The following NBAS variants were observed in gnomAD, a reference collection of about 807,000 sequenced individuals.
NBAS encodes the protein NAG/BC035112 fusion.
A neutral mutation model predicts 302.5 loss-of-function variants in NBAS; 219 were observed. That is an observed-to-expected ratio of 0.72 (90% CI 0.65 to 0.81). The LOEUF is 0.81. Ranked by LOEUF, NBAS falls within the 30% of genes least tolerant of loss-of-function variation. NBAS has a pLI of 0.00. For missense variants in NBAS, 2,932 were observed against 2,841.6 expected (o/e 1.03, Z -0.72); for synonymous variants, 1,118 against 1,021.6 (o/e 1.09, Z -1.80).
chr2:15,520,331 G>A (rs781070023), intron 9 of NBAS, among the ~76,000 whole-genome samples: 20 of 152,204 alleles, frequency 1.3e-4, no homozygotes, highest in Admixed American at 5.9e-4. Flanking sequence ...GAGCCCAGGA[G>A]GTAGAAGCTA....
At chr2:15,073,606 T>G in the NBAS span, among the ~76,000 whole-genome samples, 1 of 152,150 alleles carries the variant, frequency 6.6e-6, no homozygotes, top group Non-Finnish European at 1.5e-5. Context: ...ATCACTTCCA[T>G]GCATTTTTTT....
the NBAS span, among the ~76,000 whole-genome samples, chr2:14,848,377 A>AG: frequency 7.2e-6 from 1 of 139,530 alleles, no homozygotes; most frequent in Admixed American, 6.8e-5. Flanking sequence ...GACCGGCTTA[A>AG]AAACGGCGCA....
chr2:15,297,734 C>A (rs950444484), intron 40 of NBAS, among the ~76,000 whole-genome samples: 1 of 152,204 alleles, frequency 6.6e-6, no homozygotes, highest in Non-Finnish European at 1.5e-5. Flanking sequence ...AACTAATACA[C>A]TTGCCATTAG....
chr2:15,359,994 C>A (rs1294734542), intron 32 of NBAS, among the ~76,000 whole-genome samples: 3 of 152,082 alleles, frequency 2.0e-5, no homozygotes, highest in Admixed American at 6.5e-5. Flanking sequence ...AGGCTACAAA[C>A]CTGTACAGTA....
chr2:15,117,772 G>A, the NBAS span, among the ~76,000 whole-genome samples: 45,910 of 151,974 alleles, frequency 0.3, 7,142 homozygotes, highest in South Asian at 0.36. Context: ...GGGAAACGCT[G>A]CACTGGGGAC....
chr2:15,356,485 A>G, intron 32 of NBAS, 69 bp from the exon 33 acceptor site: 1 of 1,036,296 alleles, frequency 9.6e-7, no homozygotes, highest in Non-Finnish European at 1.5e-6. Context: ...GCTTGTTAAC[A>G]CTGTCTTTCA....
chr2:15,366,257 C>A (rs922305673), intron 32 of NBAS, among the ~76,000 whole-genome samples: 4 of 152,192 alleles, frequency 2.6e-5, no homozygotes, highest in African/African-American at 9.6e-5. Flanking sequence ...CTCCTGACTA[C>A]ACAACCATTT....
chr2:14,793,616 T>G, the NBAS span, among the ~76,000 whole-genome samples: 3 of 151,952 alleles, frequency 2.0e-5, no homozygotes, highest in Non-Finnish European at 4.4e-5. Flanking sequence ...TCTCAGAGGA[T>G]CAGAGAAGGA....
intron 1 of NBAS, among the ~76,000 whole-genome samples, chr2:15,560,204 T>C (rs905201603): frequency 3.9e-5 from 6 of 152,094 alleles, no homozygotes; most frequent in South Asian, 4.1e-4. Flanking sequence ...TGGCACGTGT[T>C]AAGCACTCAA....
At chr2:15,293,371 C>G (rs912042116) in intron 40 of NBAS, among the ~76,000 whole-genome samples, 11 of 152,114 alleles carry the variant, frequency 7.2e-5, no homozygotes, top group African/African-American at 2.7e-4. Context: ...ATTTGGGGCT[C>G]AATGGGATAT....
intron 3 of NBAS, among the ~76,000 whole-genome samples, chr2:15,556,562 A>C (rs576169911): frequency 9.8e-5 from 15 of 152,324 alleles, no homozygotes; most frequent in African/African-American, 3.6e-4. Context: ...AATTGTCATG[A>C]GACATTCTTA....
the NBAS span, among the ~76,000 whole-genome samples, chr2:15,137,472 TC>T: frequency 6.6e-6 from 1 of 152,088 alleles, no homozygotes; most frequent in Non-Finnish European, 1.5e-5. Context: ...CCACAAAACA[TC>T]ATGCCAGGTG....
intron 51 of NBAS, among the ~76,000 whole-genome samples, chr2:15,176,091 T>C (rs1664524247): frequency 1.3e-5 from 2 of 152,070 alleles, no homozygotes; most frequent in Admixed American, 1.3e-4. Flanking sequence ...AATAGCAAAA[T>C]AAAAGCAACA....
the NBAS span, among the ~76,000 whole-genome samples, chr2:15,051,540 A>C: frequency 6.6e-6 from 1 of 152,182 alleles, no homozygotes; most frequent in Non-Finnish European, 1.5e-5. Flanking sequence ...TTTTATATGG[A>C]CATAATAATA....
At chr2:15,144,999 T>C in the NBAS span, among the ~76,000 whole-genome samples, 2 of 151,320 alleles carry the variant, frequency 1.3e-5, no homozygotes, top group African/African-American at 4.9e-5. Flanking sequence ...GTTAAGCTAT[T>C]TGGTGTAGCT....
At chr2:15,145,768 T>C in the NBAS span, among the ~76,000 whole-genome samples, 1 of 152,074 alleles carries the variant, frequency 6.6e-6, no homozygotes, top group East Asian at 1.9e-4. Flanking sequence ...ACCTGGCAAC[T>C]TTTAGAAATG....
At chr2:15,421,965 CACATCA>C (rs1422962255) in intron 23 of NBAS, among the ~76,000 whole-genome samples, 1 of 152,190 alleles carries the variant, frequency 6.6e-6, no homozygotes, top group Non-Finnish European at 1.5e-5. Context: ...CGTGCACTGA[CACATCA>C]TCATCCCCCA....
At chr2:14,937,442 C>T in the NBAS span, among the ~76,000 whole-genome samples, 1 of 152,170 alleles carries the variant, frequency 6.6e-6, no homozygotes, top group Non-Finnish European at 1.5e-5. Context: ...GAGCTGCTCC[C>T]CTAAGGCTCA....
chr2:15,170,954 C>G (rs1461224360), intron 51 of NBAS, among the ~76,000 whole-genome samples: 2 of 152,196 alleles, frequency 1.3e-5, no homozygotes, highest in Admixed American at 6.5e-5. Context: ...CTCTCCAACA[C>G]TGTGACATCA....
Sources: allele counts gnomAD v4.1 joint callset (sites outside exome capture counted in the v4.1 genomes callset), GRCh38; gene constraint gnomAD v4.1.1; transcripts MANE v1.5; gene names NCBI Gene and HGNC (gene_info 2026-07-23, HGNC 2026-07-21).